Variants in RBMS3 observed in about 807,000 individuals in gnomAD.
The protein encoded by RBMS3 is RNA binding motif single stranded interacting protein 3.
RBMS3 carries 27 observed loss-of-function variants against 66.8 expected under a neutral mutation model. The ratio of observed to expected loss-of-function variants is 0.40; its 90% CI spans 0.30 to 0.56. The LOEUF (loss-of-function observed/expected upper bound fraction) is 0.56, where lower values mean the gene tolerates loss of function less well. Among genes scored for constraint, RBMS3 ranks in the 20% least tolerant of loss-of-function variants. The pLI is 0.40. For missense variants in RBMS3, 513 were observed against 549.5 expected, an observed-to-expected ratio of 0.93 and a Z score of 0.66; for synonymous variants, 188 against 183.0, an observed-to-expected ratio of 1.03 and a Z score of -0.22.
intron 1 of RBMS3, among the ~76,000 whole-genome samples, chr3:29,337,414 GGATT>G (rs2036017489): frequency 6.6e-6 from 1 of 152,048 alleles, no homozygotes; most frequent in Non-Finnish European, 1.5e-5. Flanking sequence ...AGGGGTGGGA[GGATT>G]GCTTGAGGCC....
chr3:29,914,861 A>T (rs559540312), intron 10 of RBMS3, among the ~76,000 whole-genome samples: 1 of 151,986 alleles, frequency 6.6e-6, no homozygotes, highest in South Asian at 2.1e-4. Context: ...TCCATTTTGC[A>T]AACATTTCAG....
At chr3:29,897,157 G>T (rs753977390) in intron 8 of RBMS3, among the ~76,000 whole-genome samples, 8 of 151,530 alleles carry the variant, frequency 5.3e-5, no homozygotes, top group Non-Finnish European at 8.9e-5. Context: ...GAAAGATTTT[G>T]TGCAGCTAAT....
intron 4 of RBMS3, 119 bp downstream of exon 4, chr3:29,587,324 A>T (rs903766466): frequency 1.7e-6 from 1 of 586,910 alleles, no homozygotes; most frequent in Admixed American, 4.3e-5. Flanking sequence ...GAGAGATTAA[A>T]TATTTCTCCT....
At chr3:29,779,382 G>C (rs1247281056) in intron 6 of RBMS3, among the ~76,000 whole-genome samples, 1 of 151,412 alleles carries the variant, frequency 6.6e-6, no homozygotes, top group South Asian at 2.1e-4. Context: ...GCTCCAATTA[G>C]AGGAATGTCA....
chr3:29,575,487 G>T (rs2047089298), intron 3 of RBMS3, among the ~76,000 whole-genome samples: 1 of 151,832 alleles, frequency 6.6e-6, no homozygotes. Flanking sequence ...GTCTTCTTTG[G>T]GTTAAACCTG....
At chr3:29,558,395 C>T (rs144566641) in intron 3 of RBMS3, among the ~76,000 whole-genome samples, 91 of 152,178 alleles carry the variant, frequency 6.0e-4, no homozygotes, top group African/African-American at 2.1e-3. Context: ...ATCCAGGCAA[C>T]ATTATTTAAA....
chr3:29,957,968 C>G (rs1354024586), intron 12 of RBMS3, among the ~76,000 whole-genome samples: 2 of 152,150 alleles, frequency 1.3e-5, no homozygotes, highest in African/African-American at 4.8e-5. Context: ...GCAATCAGAG[C>G]AAGTAATGTC....
chr3:29,595,385 T>C (rs1971922), intron 4 of RBMS3, among the ~76,000 whole-genome samples: 21,356 of 134,914 alleles, frequency 0.16, 1,819 homozygotes, highest in East Asian at 0.32. Flanking sequence ...GGCGACAGTG[T>C]AAGAGTCAGT....
At chr3:29,776,145 T>A (rs1227144316) in intron 6 of RBMS3, among the ~76,000 whole-genome samples, 1 of 152,006 alleles carries the variant, frequency 6.6e-6, no homozygotes, top group Non-Finnish European at 1.5e-5. Flanking sequence ...ACCTATATGA[T>A]GTTAAAGAAA....
At chr3:29,573,541 G>T (rs377181539) in intron 3 of RBMS3, among the ~76,000 whole-genome samples, 1 of 151,850 alleles carries the variant, frequency 6.6e-6, no homozygotes, top group East Asian at 1.9e-4. Context: ...TCTATCTTTT[G>T]TATTATTTTC....
At chr3:29,600,253 C>T (rs2048098001) in intron 4 of RBMS3, among the ~76,000 whole-genome samples, 1 of 151,974 alleles carries the variant, frequency 6.6e-6, no homozygotes, top group Non-Finnish European at 1.5e-5. Flanking sequence ...GAAATTCGAT[C>T]CCCGTGTTGG....
rs71091080 is a variant in RBMS3, at chr3:29,838,173, C to CAAAAAAAAAAAA, written c.638-30677_638-30666dup. 4.8e-5 allele frequency among the ~76,000 whole-genome samples: 4 copies of CAAAAAAAAAAAA among 83,062 alleles called. 2 individuals are homozygous for CAAAAAAAAAAAA. The highest frequency in any genetic ancestry group is 1.9e-4 in the African/African-American group (4 of 21,232). The allele number at this position is 83,062 out of a possible 152,430, so 54.5% of individuals were successfully genotyped here. ...GCAACATAGTGAGACCTCATCTCTACAAAAAAAAAAAAAAAAAAAGCCAGC... is the reference window on the plus strand; with the variant it reads ...GCAACATAGTGAGACCTCATCTCTACAAAAAAAAAAAAAAAAAAAAAAAAAAAAAAAGCCAGC... On this transcript the variant is annotated intron_variant, in intron 6 of 14. Coordinates refer to ENST00000383767, the MANE Select transcript of RBMS3 (RefSeq NM_001003793.3).
chr3:29,987,082 A>C (rs1173614728), intron 12 of RBMS3, among the ~76,000 whole-genome samples: 1 of 152,220 alleles, frequency 6.6e-6, no homozygotes, highest in Non-Finnish European at 1.5e-5. Context: ...GCTTTTTCAT[A>C]TTGATACATG....
chr3:29,315,631 A>T (rs1208837816), intron 1 of RBMS3, among the ~76,000 whole-genome samples: 9 of 151,878 alleles, frequency 5.9e-5, no homozygotes, highest in African/African-American at 1.7e-4. Context: ...TATCAACTAG[A>T]TGGTATTCTA....
chr3:29,874,539 G>A (rs761197413), intron 7 of RBMS3, among the ~76,000 whole-genome samples: 16 of 152,102 alleles, frequency 1.1e-4, no homozygotes, highest in Admixed American at 2.0e-4. Context: ...TCTGCAAATA[G>A]TCTTTTTAAC....
chr3:29,905,325 A>G (rs2060350565), intron 10 of RBMS3, among the ~76,000 whole-genome samples: 1 of 152,054 alleles, frequency 6.6e-6, no homozygotes, highest in Non-Finnish European at 1.5e-5. Flanking sequence ...TAGATTTAAA[A>G]TGCCATATGT....
intron 11 of RBMS3, among the ~76,000 whole-genome samples, chr3:29,942,781 T>A (rs1418764669): frequency 6.6e-6 from 1 of 151,586 alleles, no homozygotes; most frequent in African/African-American, 2.4e-5. Flanking sequence ...TCTTGGAAAA[T>A]GTCTAGTAGC....
intron 6 of RBMS3, among the ~76,000 whole-genome samples, chr3:29,819,875 GT>G (rs2058025869): frequency 6.6e-6 from 1 of 152,078 alleles, no homozygotes; most frequent in South Asian, 2.1e-4. Flanking sequence ...CGAAGCCACT[GT>G]TTTTATAATC....
At chr3:29,912,936 A>C (rs1397904588) in intron 10 of RBMS3, among the ~76,000 whole-genome samples, 1 of 151,812 alleles carries the variant, frequency 6.6e-6, no homozygotes, top group African/African-American at 2.4e-5. Context: ...TCCTTAATAA[A>C]TGTCTTCAAA....
Sources: allele counts gnomAD v4.1 joint callset (sites outside exome capture counted in the v4.1 genomes callset), GRCh38; gene constraint gnomAD v4.1.1; transcripts MANE v1.5; gene names NCBI Gene and HGNC (gene_info 2026-07-23, HGNC 2026-07-21).